The following RFC3 variants were observed in gnomAD, a reference collection of about 807,000 sequenced individuals.
RFC3 encodes replication factor C subunit 3.
In RFC3, 41 loss-of-function variants were observed where a neutral mutation model predicts 45.1. That is an observed-to-expected ratio of 0.91 (90% confidence interval 0.71 to 1.18). RFC3 has a LOEUF of 1.18. Among genes scored for constraint, RFC3 ranks in the 50% most tolerant of loss-of-function variants. The pLI, the probability that RFC3 is intolerant of heterozygous loss-of-function variation, is 0.00. For missense variants in RFC3, 423 were observed against 428.1 expected (o/e 0.99, Z 0.10); for synonymous variants, 149 against 144.0 (o/e 1.03, Z -0.25).
intron 8 of RFC3, among the ~76,000 whole-genome samples, chr13:33,845,973 A>G (rs1416093269): frequency 6.6e-6 from 1 of 152,226 alleles, no homozygotes; most frequent in Non-Finnish European, 1.5e-5. Flanking sequence ...TACTGTAGCC[A>G]TATATGCATT....
intron 8 of RFC3, among the ~76,000 whole-genome samples, chr13:33,916,581 G>A (rs566729534): frequency 6.6e-6 from 1 of 152,194 alleles, no homozygotes; most frequent in South Asian, 2.1e-4. Context: ...TGGATGTTTG[G>A]CTAATAGCAC....
At chr13:33,819,213 ATCCTC>A (rs2081979127) in intron 1 of RFC3, among the ~76,000 whole-genome samples, 1 of 152,040 alleles carries the variant, frequency 6.6e-6, no homozygotes, top group African/African-American at 2.4e-5. Flanking sequence ...TTTGTGAAAG[ATCCTC>A]TCCCCTCTAT....
downstream of RFC3, among the ~76,000 whole-genome samples, chr13:33,970,462 G>C (rs1411160739): frequency 6.6e-6 from 1 of 152,238 alleles, no homozygotes; most frequent in Non-Finnish European, 1.5e-5. Flanking sequence ...TAATGGGATT[G>C]TTGGACCAAA....
chr13:33,969,371 T>C (rs2083101128), downstream of RFC3, among the ~76,000 whole-genome samples: 2 of 152,322 alleles, frequency 1.3e-5, no homozygotes, highest in South Asian at 4.1e-4. Context: ...TCACCAGCGA[T>C]TTTCCTACAG....
intron 8 of RFC3, among the ~76,000 whole-genome samples, chr13:33,893,542 T>C (rs74437283): frequency 0.016 from 2,509 of 152,140 alleles, 60 homozygotes; most frequent in African/African-American, 0.05. Context: ...AACCAGTGCC[T>C]GACCTCAATG....
chr13:33,858,360 A>G (rs2082320205), intron 8 of RFC3, among the ~76,000 whole-genome samples: 1 of 152,196 alleles, frequency 6.6e-6, no homozygotes, highest in South Asian at 2.1e-4. Flanking sequence ...CATATAACAG[A>G]AAAACCCATA....
intron 8 of RFC3, among the ~76,000 whole-genome samples, chr13:33,864,585 T>A (rs938663066): frequency 6.6e-6 from 1 of 152,064 alleles, no homozygotes; most frequent in Non-Finnish European, 1.5e-5. Flanking sequence ...TTGGGGAGTG[T>A]GACTGGAGGT....
chr13:33,892,872 T>C (rs1203558561), intron 8 of RFC3, among the ~76,000 whole-genome samples: 2 of 152,150 alleles, frequency 1.3e-5, no homozygotes, highest in African/African-American at 2.4e-5. Context: ...AATTTCTATA[T>C]TGGTAATGCC....
chr13:33,927,247 A>G (rs986416245), intron 8 of RFC3, among the ~76,000 whole-genome samples: 3 of 151,438 alleles, frequency 2.0e-5, no homozygotes, highest in African/African-American at 7.3e-5. Flanking sequence ...AAAAAAAAAA[A>G]AGATTTGCAA....
intron 8 of RFC3, among the ~76,000 whole-genome samples, chr13:33,911,932 T>C (rs759996967): frequency 1.6e-4 from 25 of 152,204 alleles, no homozygotes; most frequent in Middle Eastern, 6.8e-3. Context: ...CATTAATGCT[T>C]CTTCTTGTCA....
rs2082152081 is a variant in RFC3 at position 33,836,167 on chromosome 13, G to A, written c.943G>A (p.Ala315Thr). The change falls in exon 9 of 9, where the codon GCA becomes ACA. Residue 315 changes from alanine to threonine, a missense_variant. Coordinates refer to ENST00000380071, the MANE Select transcript of RFC3 (RefSeq NM_002915.4). ...GQLKGEVAQMAAYYEHRLQLG... is the reference protein window; with the variant it reads ...GQLKGEVAQMTAYYEHRLQLG... ...ACTGAAAGGGGAGGTGGCACAAATGGCAGCTTACTATGAGCATCGTCTACA... is the reference window on the plus strand; with the variant it reads ...ACTGAAAGGGGAGGTGGCACAAATGACAGCTTACTATGAGCATCGTCTACA... 1.2e-6 allele frequency: 2 copies of A among 1,613,308 alleles called. No individual in the cohort carries two copies. Among genetic ancestry groups the A allele is most frequent in the Non-Finnish European group, 1.7e-6 (2 of 1,179,422 alleles).
At chr13:33,841,339 A>G (rs987459636), downstream of RFC3, among the ~76,000 whole-genome samples, 1 of 152,202 alleles carries the variant, frequency 6.6e-6, no homozygotes, top group Non-Finnish European at 1.5e-5. Context: ...ATGCTGCCTG[A>G]ATACTTCTGT....
chr13:33,834,556 C>T (rs1240851106), intron 7 of RFC3, among the ~76,000 whole-genome samples: 1 of 151,760 alleles, frequency 6.6e-6, no homozygotes, highest in Admixed American at 6.6e-5. Context: ...TGTGCCGCCC[C>T]TTTTATGACA....
intron 8 of RFC3, among the ~76,000 whole-genome samples, chr13:33,896,307 A>C (rs1231936055): frequency 6.6e-6 from 1 of 152,154 alleles, no homozygotes; most frequent in East Asian, 1.9e-4. Flanking sequence ...GTAAATATAC[A>C]GGTATAAGAA....
intron 7 of RFC3, 47 bp downstream of exon 7, chr13:33,831,401 C>G: frequency 1.1e-6 from 1 of 942,430 alleles, no homozygotes. Flanking sequence ...ATCAGGATAT[C>G]ATAGGACACA....
chr13:33,885,600 G>T (rs2082515818), intron 8 of RFC3, among the ~76,000 whole-genome samples: 1 of 152,164 alleles, frequency 6.6e-6, no homozygotes, highest in African/African-American at 2.4e-5. Flanking sequence ...TAATTATACT[G>T]ATCTCAGAGG....
At chr13:33,828,353 A>G (rs2082070345) in intron 4 of RFC3, among the ~76,000 whole-genome samples, 1 of 152,040 alleles carries the variant, frequency 6.6e-6, no homozygotes, top group African/African-American at 2.4e-5. Context: ...TAGCTCGGCT[A>G]CCCACAGTGC....
At chr13:33,942,706 C>T (rs762996021) in intron 8 of RFC3, among the ~76,000 whole-genome samples, 1 of 152,108 alleles carries the variant, frequency 6.6e-6, no homozygotes, top group Non-Finnish European at 1.5e-5. Flanking sequence ...GTACATGGTA[C>T]TAATTCATAG....
At chr13:33,873,779 G>C (rs1284971977) in intron 8 of RFC3, among the ~76,000 whole-genome samples, 1 of 152,210 alleles carries the variant, frequency 6.6e-6, no homozygotes, top group African/African-American at 2.4e-5. Flanking sequence ...GATGTGCTCA[G>C]TTCATGGCTC....
Sources: gnomAD v4.1 joint callset for allele counts (sites outside exome capture counted in the v4.1 genomes callset) on GRCh38, gnomAD v4.1.1 for gene constraint, MANE v1.5 for transcripts, NCBI Gene and HGNC (gene_info 2026-07-23, HGNC 2026-07-21) for gene names.